The following EPHA5 variants were observed in gnomAD, a reference collection of about 807,000 sequenced individuals.
The protein encoded by EPHA5 is ephrin type-A receptor 5.
EPHA5 carries 60 observed loss-of-function variants against 105.0 expected under a neutral mutation model. That is an observed-to-expected ratio of 0.57 (90% CI 0.46 to 0.71). The LOEUF (loss-of-function observed/expected upper bound fraction) is 0.71, where lower values mean the gene tolerates loss of function less well. EPHA5 is among the 30% of genes least tolerant of loss of function. EPHA5 has a pLI of 0.00. For synonymous variants in EPHA5, 513 were observed against 449.1 expected (o/e 1.14, Z -1.80); for missense variants, 1,218 against 1,274.7 (o/e 0.96, Z 0.68).
At chr4:65,336,210 T>C in intron 14 of EPHA5, 85 bp from the exon 15 acceptor site, 2 of 991,608 alleles carry the variant, frequency 2.0e-6, no homozygotes, top group Non-Finnish European at 2.8e-6. Flanking sequence ...GTCCAACTTT[T>C]ATCCTTTCTT....
At chr4:65,457,067 G>T (rs1377865753) in intron 5 of EPHA5, among the ~76,000 whole-genome samples, 1 of 125,510 alleles carries the variant, frequency 8.0e-6, no homozygotes, top group Non-Finnish European at 1.9e-5. Flanking sequence ...CTTAAAAGCA[G>T]GAAAAAAAAA....
At chr4:65,445,086 C>T (rs530228592) in intron 5 of EPHA5, among the ~76,000 whole-genome samples, 7 of 152,090 alleles carry the variant, frequency 4.6e-5, no homozygotes, top group African/African-American at 1.7e-4. Context: ...TTTTTCTAGT[C>T]TGCAAATGTC....
In EPHA5 at chr4:65,322,045, ATGG is replaced by A. The variant is rs1719678070; in HGVS notation, c.*2066_*2068del. 4.4e-6 allele frequency: 1 copy of A among 226,252 alleles called. No homozygotes were observed. Among genetic ancestry groups the A allele is most frequent in the African/African-American group, 2.2e-5 (1 of 44,960 alleles). 14.0% of individuals were successfully genotyped at this position (226,252 alleles called of 1,614,324 possible). ...GAAATGAACAAATGCATCTTTAATA[ATGG>A]TGATGCTTTTTTATGATTTTATCAA... On this transcript the variant is annotated 3_prime_UTR_variant, in exon 17 of 17. Transcript: ENST00000613740.
At chr4:65,501,232 A>G (rs965195162) in intron 3 of EPHA5, among the ~76,000 whole-genome samples, 5 of 151,414 alleles carry the variant, frequency 3.3e-5, no homozygotes, top group Non-Finnish European at 7.4e-5. Context: ...TTTTATCTTC[A>G]TATTTAAAAC....
At chr4:65,508,259 G>A (rs1260090971) in intron 3 of EPHA5, among the ~76,000 whole-genome samples, 1 of 152,108 alleles carries the variant, frequency 6.6e-6, no homozygotes, top group East Asian at 1.9e-4. Flanking sequence ...GACTCAAGTA[G>A]TGAGATCTGC....
At chr4:65,496,520 A>G (rs1224772912) in intron 3 of EPHA5, among the ~76,000 whole-genome samples, 7 of 150,994 alleles carry the variant, frequency 4.6e-5, no homozygotes, top group Middle Eastern at 3.4e-3. Context: ...GAGAATGATG[A>G]TTTCCAATTT....
At position 65,669,822 on chromosome 4, in the gene EPHA5, CT is replaced by C; in HGVS notation, c.-81del. The C allele has an allele frequency of 8.1e-7, 1 of 1,233,350 alleles. No individual in the cohort carries two copies. The highest frequency in any genetic ancestry group is 1.0e-6 in the Non-Finnish European group (1 of 988,914). 76.4% of individuals were successfully genotyped at this position (1,233,350 alleles called of 1,614,324 possible). A position where few individuals can be genotyped will look rare whatever the true frequency, so the allele number is the denominator to read the frequency against. Reference sequence around the variant, plus strand: ...GGCCTCGCAGAGCGGCGAAGGGAGACTCGGGAGTCCTCCTTGTCCCCCCTTG... The same window carrying C: ...GGCCTCGCAGAGCGGCGAAGGGAGACCGGGAGTCCTCCTTGTCCCCCCTTG... On this transcript the variant is annotated 5_prime_UTR_variant, in exon 1 of 17. Transcript: ENST00000613740.
chr4:65,356,060 G>A (rs761843995), intron 11 of EPHA5, among the ~76,000 whole-genome samples: 7 of 151,488 alleles, frequency 4.6e-5, no homozygotes, highest in Non-Finnish European at 8.9e-5. Flanking sequence ...GAATATAGTC[G>A]CAGCTTTTCC....
At chr4:65,340,785 T>C (rs1386039623) in intron 14 of EPHA5, among the ~76,000 whole-genome samples, 2 of 152,250 alleles carry the variant, frequency 1.3e-5, no homozygotes, top group East Asian at 3.9e-4. Context: ...TCATAAACAT[T>C]TGTCTCTAGG....
intron 5 of EPHA5, among the ~76,000 whole-genome samples, chr4:65,421,683 T>C (rs1304120356): frequency 6.6e-6 from 1 of 152,130 alleles, no homozygotes; most frequent in East Asian, 1.9e-4. Flanking sequence ...AATGAATTGG[T>C]GGTATTACCA....
chr4:65,637,237 T>C (rs1006439655), intron 2 of EPHA5, among the ~76,000 whole-genome samples: 26 of 151,094 alleles, frequency 1.7e-4, no homozygotes, highest in Admixed American at 3.3e-4. Flanking sequence ...TTTTTTTTTT[T>C]TTTCAGTTAG....
chr4:65,343,241 ATTATC>A (rs900298853), intron 14 of EPHA5, among the ~76,000 whole-genome samples: 1 of 152,158 alleles, frequency 6.6e-6, no homozygotes, highest in Non-Finnish European at 1.5e-5. Context: ...ACTACATGAT[ATTATC>A]TTAGCTTCTG....
At chr4:65,600,878 C>T (rs1743652417) in intron 3 of EPHA5, among the ~76,000 whole-genome samples, 2 of 151,992 alleles carry the variant, frequency 1.3e-5, no homozygotes, top group Admixed American at 1.3e-4. Flanking sequence ...GCCAACTCAC[C>T]ACACTGCGGG....
In EPHA5 at chr4:65,500,936, G is replaced by A. The variant is rs111845898; in HGVS notation, c.911-5393C>T. On this transcript the variant is annotated intron_variant, in intron 3 of 16. Coordinates refer to ENST00000613740, the MANE Select transcript of EPHA5 (RefSeq NM_001281766.3). ...TAATTAACTTTCAAAAGCATTGCTG[G>A]CCTTATCTAAGTATGTTTTATTGAG... Among the ~76,000 whole-genome samples the A allele has an allele frequency of 7.3e-3, 1,107 of 151,180 alleles. 16 individuals are homozygous for A. Among genetic ancestry groups the A allele is most frequent in the African/African-American group, 0.026 (1,067 of 41,384 alleles).
intron 3 of EPHA5, among the ~76,000 whole-genome samples, chr4:65,551,172 A>C (rs1737864841): frequency 1.5e-5 from 1 of 66,266 alleles, no homozygotes; most frequent in African/African-American, 6.8e-5. Flanking sequence ...TCCAAACATA[A>C]GTAGGTTTGG....
intron 5 of EPHA5, among the ~76,000 whole-genome samples, chr4:65,427,395 G>A (rs1283401405): frequency 2.6e-5 from 4 of 152,028 alleles, no homozygotes; most frequent in Middle Eastern, 3.4e-3. Context: ...TCTTGGCCAG[G>A]CTGGTCTCGA....
intron 5 of EPHA5, among the ~76,000 whole-genome samples, chr4:65,480,196 T>C (rs1730220121): frequency 6.6e-6 from 1 of 152,082 alleles, no homozygotes; most frequent in African/African-American, 2.4e-5. Flanking sequence ...AAAACCAGAT[T>C]TTCTCTAAAT....
chr4:65,634,176 T>C (rs2149496136), intron 2 of EPHA5, among the ~76,000 whole-genome samples: 1 of 152,212 alleles, frequency 6.6e-6, no homozygotes, highest in Middle Eastern at 3.4e-3. Flanking sequence ...CATTTTCCAA[T>C]TTATGAGTTT....
chr4:65,643,931 A>T (rs1382346732), intron 1 of EPHA5, among the ~76,000 whole-genome samples: 1 of 152,076 alleles, frequency 6.6e-6, no homozygotes, highest in Non-Finnish European at 1.5e-5. Flanking sequence ...TATTAACAGA[A>T]ATCTGTAATC....
Sources: gnomAD v4.1 joint callset for allele counts (sites outside exome capture counted in the v4.1 genomes callset) on GRCh38, gnomAD v4.1.1 for gene constraint, MANE v1.5 for transcripts, NCBI Gene and HGNC (gene_info 2026-07-23, HGNC 2026-07-21) for gene names.